The following WWOX variants were observed in gnomAD, a reference collection of about 807,000 sequenced individuals.
WWOX encodes WW domain containing oxidoreductase, also known as WW domain-containing oxidoreductase.
WWOX carries 69 observed loss-of-function variants against 46.2 expected under a neutral mutation model. The observed-to-expected ratio is 1.49, with a 90% CI of 1.23 to 1.82. The LOEUF (loss-of-function observed/expected upper bound fraction) is 1.82, where lower values mean the gene tolerates loss of function less well. Among genes scored for constraint, WWOX ranks in the 40% most tolerant of loss-of-function variants. The pLI is 0.00. For missense variants in WWOX, 919 were observed against 542.6 expected (o/e 1.69, Z -6.89); for synonymous variants, 359 against 202.6 (o/e 1.77, Z -6.56).
Position 79,028,487 on chromosome 16 carries a change from G to A in WWOX, c.1057-183121G>A, listed in dbSNP as rs183551374. On this transcript the variant is annotated intron_variant, in intron 8 of 8. Coordinates refer to ENST00000566780, the MANE Select transcript of WWOX (RefSeq NM_016373.4). Reference sequence around the variant, plus strand: ...GTTGATAAAAAAGCACAAATTGTAGGCTGCAAATCTATCATTTTTCTTTCC... The same window carrying A: ...GTTGATAAAAAAGCACAAATTGTAGACTGCAAATCTATCATTTTTCTTTCC... Among the ~76,000 whole-genome samples the A allele has an allele frequency of 8.1e-4, 123 of 151,796 alleles. 4 individuals carry two copies. Among genetic ancestry groups the A allele is most frequent in the African/African-American group, 2.7e-3 (111 of 41,160 alleles).
chr16:79,207,397 G>T (rs76883538), intron 8 of WWOX, among the ~76,000 whole-genome samples: 1,625 of 152,318 alleles, frequency 0.011, 21 homozygotes, highest in African/African-American at 0.03. Context: ...TTAGTCATGG[G>T]AACACTGCCG....
intron 4 of WWOX, chr16:78,130,190 G>A (rs562834125): frequency 2.0e-5 from 3 of 152,116 alleles, no homozygotes; most frequent in African/African-American, 7.3e-5. Flanking sequence ...CCCAGTCTTC[G>A]ATATGTCCTT....
chr16:78,308,967 T>G (rs1222359504), intron 5 of WWOX, among the ~76,000 whole-genome samples: 1 of 152,198 alleles, frequency 6.6e-6, no homozygotes, highest in Non-Finnish European at 1.5e-5. Context: ...TTTAACCAAT[T>G]TCCAATCACA....
At chr16:78,199,854 A>G (rs992786719) in intron 5 of WWOX, among the ~76,000 whole-genome samples, 1 of 152,152 alleles carries the variant, frequency 6.6e-6, no homozygotes, top group Non-Finnish European at 1.5e-5. Context: ...TTCACTGTCA[A>G]TGAGTCATTG....
intron 8 of WWOX, among the ~76,000 whole-genome samples, chr16:78,446,694 C>T (rs1462631861): frequency 1.6e-5 from 2 of 124,334 alleles, no homozygotes; most frequent in Non-Finnish European, 3.2e-5. Context: ...GGTGGAATCT[C>T]CTGTCTCCCA....
intron 8 of WWOX, among the ~76,000 whole-genome samples, chr16:78,670,741 G>A (rs997933008): frequency 5.3e-5 from 8 of 151,970 alleles, no homozygotes; most frequent in African/African-American, 1.7e-4. Flanking sequence ...CAAACTGTTG[G>A]GCTGAAGCAG....
chr16:78,186,232 C>A (rs1266342687), intron 5 of WWOX, among the ~76,000 whole-genome samples: 15 of 147,592 alleles, frequency 1.0e-4, no homozygotes, highest in Non-Finnish European at 2.1e-4. Flanking sequence ...TAATCTGTTT[C>A]TTTTTACCTT....
chr16:78,502,378 T>G (rs1278664812), intron 8 of WWOX, among the ~76,000 whole-genome samples: 2 of 152,192 alleles, frequency 1.3e-5, no homozygotes, highest in African/African-American at 4.8e-5. Flanking sequence ...CTAACCAATC[T>G]ACTTGCTGTT....
chr16:79,144,993 T>A (rs11863848), intron 8 of WWOX, among the ~76,000 whole-genome samples: 51,847 of 151,946 alleles, frequency 0.34, 9,621 homozygotes, highest in East Asian at 0.5. Flanking sequence ...CTACTGGGGG[T>A]CTTGGAGTAT....
chr16:78,872,474 G>T (rs1315751622), intron 8 of WWOX, among the ~76,000 whole-genome samples: 2 of 152,140 alleles, frequency 1.3e-5, no homozygotes, highest in Non-Finnish European at 2.9e-5. Context: ...ATTACAGTGG[G>T]GGATAAAGGG....
At chr16:78,817,706 G>C (rs1253452907) in intron 8 of WWOX, among the ~76,000 whole-genome samples, 1 of 152,184 alleles carries the variant, frequency 6.6e-6, no homozygotes, top group East Asian at 1.9e-4. Context: ...GTCTTCGCTT[G>C]GCTTCCTCCT....
chr16:78,348,851 C>T lies in WWOX; in HGVS notation c.517-38009C>T, dbSNP rs540168196. Among the ~76,000 whole-genome samples the T allele has an allele frequency of 1.2e-3, 148 of 120,104 alleles. 38 individuals carry two copies. The highest frequency in any genetic ancestry group is 3.9e-3 in the African/African-American group (139 of 35,402). 78.8% of individuals were successfully genotyped at this position (120,104 alleles called of 152,430 possible). A position where few individuals can be genotyped will look rare whatever the true frequency, so the allele number is the denominator to read the frequency against. On this transcript the variant is annotated intron_variant, in intron 5 of 8. Coordinates refer to ENST00000566780, the MANE Select transcript of WWOX (RefSeq NM_016373.4). ...ATATAAGAGAAAGAAAGACTTGTATCTGTTGTTAGTGAGTTTTTGTGGTGG... is the reference window on the plus strand; with the variant it reads ...ATATAAGAGAAAGAAAGACTTGTATTTGTTGTTAGTGAGTTTTTGTGGTGG...
chr16:79,197,973 A>G (rs1262309302), intron 8 of WWOX, among the ~76,000 whole-genome samples: 1 of 152,306 alleles, frequency 6.6e-6, no homozygotes, highest in South Asian at 2.1e-4. Context: ...ATCTTCCCTT[A>G]TGTGTACAAC....
intron 8 of WWOX, among the ~76,000 whole-genome samples, chr16:78,901,524 G>T (rs1240594940): frequency 2.6e-5 from 4 of 152,154 alleles, no homozygotes; most frequent in African/African-American, 7.2e-5. Flanking sequence ...ATCTCCCTCT[G>T]TTGCCCAGGC....
intron 8 of WWOX, among the ~76,000 whole-genome samples, chr16:78,760,605 C>G (rs922446468): frequency 2.0e-5 from 3 of 152,256 alleles, no homozygotes; most frequent in East Asian, 1.9e-4. Context: ...TGTCTCCCCT[C>G]CAAGAACAGG....
At chr16:78,927,142 A>G (rs2045516913) in intron 8 of WWOX, among the ~76,000 whole-genome samples, 1 of 152,224 alleles carries the variant, frequency 6.6e-6, no homozygotes, top group South Asian at 2.1e-4. Flanking sequence ...TGGTTTCTCC[A>G]GCCTGAGTTT....
intron 8 of WWOX, among the ~76,000 whole-genome samples, chr16:78,636,813 T>C (rs1346868123): frequency 6.6e-6 from 1 of 152,162 alleles, no homozygotes. Flanking sequence ...CAACCTCCTG[T>C]TAATTTGGTT....
intron 4 of WWOX, among the ~76,000 whole-genome samples, chr16:78,118,757 C>T (rs981447452): frequency 1.3e-5 from 2 of 152,180 alleles, no homozygotes; most frequent in Admixed American, 1.3e-4. Flanking sequence ...CCCTAACATT[C>T]TCTAAATTAG....
At chr16:78,753,161 G>A (rs1042126388) in intron 8 of WWOX, among the ~76,000 whole-genome samples, 5 of 152,094 alleles carry the variant, frequency 3.3e-5, no homozygotes, top group South Asian at 2.1e-4. Flanking sequence ...TTAGCCGGGC[G>A]TGGGGGCAGG....
Sources: allele counts gnomAD v4.1 joint callset (sites outside exome capture counted in the v4.1 genomes callset), GRCh38; gene constraint gnomAD v4.1.1; transcripts MANE v1.5; gene names NCBI Gene and HGNC (gene_info 2026-07-23, HGNC 2026-07-21).